The following TPRG1 variants were observed in gnomAD, a reference collection of about 807,000 sequenced individuals.
TPRG1 encodes tumor protein p63-regulated gene 1 protein.
Under a neutral mutation model 29.3 loss-of-function variants are expected in TPRG1, and 29 were observed. The observed-to-expected ratio is 0.99, with a 90% CI of 0.74 to 1.35. The LOEUF (loss-of-function observed/expected upper bound fraction) is 1.35. TPRG1 is among the 40% of genes most tolerant of loss of function. TPRG1 has a pLI of 0.00. For missense variants in TPRG1, 327 were observed against 335.0 expected, an observed-to-expected ratio of 0.98 and a Z score of 0.19; for synonymous variants, 130 against 116.8, an observed-to-expected ratio of 1.11 and a Z score of -0.73.
At chr3:189,048,602 A>G (rs902628520) in intron 4 of TPRG1, among the ~76,000 whole-genome samples, 1 of 151,950 alleles carries the variant, frequency 6.6e-6, no homozygotes, top group African/African-American at 2.4e-5. Flanking sequence ...TTTTTTTTCT[A>G]CCTTGGAAAT....
chr3:189,230,525 G>A (rs961805278), intron 3 of TPRG1, among the ~76,000 whole-genome samples: 1 of 152,130 alleles, frequency 6.6e-6, no homozygotes, highest in Non-Finnish European at 1.5e-5. Context: ...AGTCATGCTG[G>A]CCTCCTTTCT....
intron 5 of TPRG1, among the ~76,000 whole-genome samples, chr3:189,310,951 C>G (rs144373646): frequency 1.3e-5 from 2 of 152,056 alleles, no homozygotes; most frequent in African/African-American, 4.8e-5. Context: ...GGTAGTCTCA[C>G]GTCTAAAATG....
chr3:189,201,699 G>C (rs1733517847), intron 1 of TPRG1, among the ~76,000 whole-genome samples: 1 of 151,840 alleles, frequency 6.6e-6, no homozygotes, highest in African/African-American at 2.4e-5. Context: ...ACCCAGGCTG[G>C]AGTGCAGTAG....
At chr3:189,191,099 C>G (rs776659936) in intron 1 of TPRG1, 47 of 337,256 alleles carry the variant, frequency 1.4e-4, no homozygotes, top group Non-Finnish European at 1.9e-4. Context: ...TTCTTACTTT[C>G]AAATATGACC....
At chr3:189,041,031 T>G (rs1196692895) in intron 4 of TPRG1, among the ~76,000 whole-genome samples, 3 of 152,176 alleles carry the variant, frequency 2.0e-5, no homozygotes, top group Non-Finnish European at 4.4e-5. Context: ...ACCTGCATCT[T>G]GAACCAGGGT....
At chr3:189,146,233 G>A (rs1725246121) in intron 3 of TPRG1, among the ~76,000 whole-genome samples, 8 of 152,174 alleles carry the variant, frequency 5.3e-5, no homozygotes, top group Admixed American at 5.2e-4. Context: ...CGTGACTAAA[G>A]ATCAGTTTCA....
At chr3:189,289,467 G>A (rs1468297801) in intron 4 of TPRG1, among the ~76,000 whole-genome samples, 4 of 151,000 alleles carry the variant, frequency 2.6e-5, no homozygotes, top group Non-Finnish European at 4.4e-5. Flanking sequence ...TCTATGTAGT[G>A]GTTAAGAGCT....
chr3:189,204,904 GTCTT>G (rs1387640805), intron 1 of TPRG1, among the ~76,000 whole-genome samples: 2 of 147,462 alleles, frequency 1.4e-5, no homozygotes, highest in Non-Finnish European at 1.5e-5. Flanking sequence ...TCCTCTGTCT[GTCTT>G]TCTTTCTCTG....
intron 1 of TPRG1, among the ~76,000 whole-genome samples, chr3:189,197,941 A>G (rs147454355): frequency 8.2e-4 from 125 of 152,336 alleles, no homozygotes; most frequent in Non-Finnish European, 1.3e-3. Flanking sequence ...GGCAACTGGA[A>G]TATTTACAGT....
intron 3 of TPRG1, among the ~76,000 whole-genome samples, chr3:189,230,612 G>A (rs193223116): frequency 3.2e-4 from 48 of 152,086 alleles, no homozygotes; most frequent in African/African-American, 1.1e-3. Context: ...CTATTCTCCC[G>A]GGTATTCTCC....
chr3:189,031,034 C>T (rs986996969), intron 4 of TPRG1, among the ~76,000 whole-genome samples: 1 of 152,176 alleles, frequency 6.6e-6, no homozygotes, highest in Admixed American at 6.5e-5. Context: ...CTTTAGAAGG[C>T]TGAGGCGGGT....
rs138158477 is a variant in TPRG1 at position 189,072,197 on chromosome 3, G to A, written c.-463+48251G>A. Reference sequence around the variant, plus strand: ...TCCCTTCTTTCATCAATGTCTTGAAGCAATTTAACATTCATATAACATTTG... The same window carrying A: ...TCCCTTCTTTCATCAATGTCTTGAAACAATTTAACATTCATATAACATTTG... On this transcript the variant is annotated intron_variant, in intron 4 of 10. Coordinates refer to the TPRG1 transcript ENST00000433971. Among the ~76,000 whole-genome samples, 1,396 of 152,260 alleles carry A rather than the reference G, an allele frequency of 9.2e-3. 9 individuals carry two copies. The highest frequency in any genetic ancestry group is 0.013 in the Non-Finnish European group (908 of 68,012).
chr3:189,303,803 T>G (rs889534865), intron 4 of TPRG1, among the ~76,000 whole-genome samples: 73 of 152,218 alleles, frequency 4.8e-4, no homozygotes, highest in Admixed American at 3.0e-3. Flanking sequence ...GACCTTTGGT[T>G]TGGAAACTTT....
At chr3:189,181,012 G>A (rs1730144867) in intron 1 of TPRG1, among the ~76,000 whole-genome samples, 1 of 152,282 alleles carries the variant, frequency 6.6e-6, no homozygotes, top group South Asian at 2.1e-4. Flanking sequence ...AGTAGAAGCT[G>A]CCAAGGCTTG....
At chr3:189,051,049 C>T (rs1228431357) in intron 4 of TPRG1, among the ~76,000 whole-genome samples, 4 of 152,168 alleles carry the variant, frequency 2.6e-5, no homozygotes, top group African/African-American at 9.7e-5. Flanking sequence ...ACTCTCACCA[C>T]TCCTTTTCAA....
intron 4 of TPRG1, among the ~76,000 whole-genome samples, chr3:189,272,695 C>CTTTCTTTCTTTCTTTCTTTCTCTT (rs770742123): frequency 7.3e-6 from 1 of 137,854 alleles, no homozygotes; most frequent in African/African-American, 3.0e-5. Flanking sequence ...TTCTTTCTTT[C>CTTTCTTTCTTTCTTTCTTTCTCTT]TCTTTCTTTC....
chr3:189,300,621 C>T (rs1720677554), intron 4 of TPRG1, among the ~76,000 whole-genome samples: 1 of 152,152 alleles, frequency 6.6e-6, no homozygotes, highest in African/African-American at 2.4e-5. Flanking sequence ...GCCAGATTTG[C>T]TTTGCTGTTT....
chr3:189,187,017 C>A (rs1023927495), intron 1 of TPRG1, among the ~76,000 whole-genome samples: 3 of 108,382 alleles, frequency 2.8e-5, no homozygotes, highest in African/African-American at 1.1e-4. Flanking sequence ...GAGATGGAGT[C>A]TCACTGTCAC....
At chr3:189,063,836 C>T (rs1197582463) in intron 4 of TPRG1, among the ~76,000 whole-genome samples, 1 of 152,062 alleles carries the variant, frequency 6.6e-6, no homozygotes, top group African/African-American at 2.4e-5. Context: ...CAAGACCACT[C>T]CTGTTTTGGT....
Sources: gnomAD v4.1 joint callset for allele counts (sites outside exome capture counted in the v4.1 genomes callset) on GRCh38, gnomAD v4.1.1 for gene constraint, MANE v1.5 for transcripts, NCBI Gene and HGNC (gene_info 2026-07-23, HGNC 2026-07-21) for gene names.